ARHGEF3: variants seen among roughly 807,000 people sequenced by gnomAD.
ARHGEF3 encodes Rho guanine nucleotide exchange factor 3, also known as 59.8 kDA protein.
In ARHGEF3, 28 loss-of-function variants were observed where a neutral mutation model predicts 63.2. The ratio of observed to expected loss-of-function variants is 0.44; its 90% CI spans 0.33 to 0.61. The LOEUF (loss-of-function observed/expected upper bound fraction) is 0.61. Ranked by LOEUF, ARHGEF3 falls within the 20% of genes least tolerant of loss-of-function variation. ARHGEF3 has a pLI of 0.03. For missense variants in ARHGEF3, 533 were observed against 659.3 expected, an observed-to-expected ratio of 0.81 and a Z score of 2.10; for synonymous variants, 266 against 254.2, an observed-to-expected ratio of 1.05 and a Z score of -0.44.
At chr3:57,003,187 C>T (rs916910950) in intron 2 of ARHGEF3, among the ~76,000 whole-genome samples, 1 of 150,806 alleles carries the variant, frequency 6.6e-6, no homozygotes, top group Non-Finnish European at 1.5e-5. Context: ...GGGCGGATCA[C>T]GAGGTCAAGA....
chr3:56,790,777 C>T (rs914241036), intron 1 of ARHGEF3, among the ~76,000 whole-genome samples: 1 of 152,202 alleles, frequency 6.6e-6, no homozygotes, highest in African/African-American at 2.4e-5. Context: ...CATTTTGCCC[C>T]CCTCGGCCAT....
At chr3:57,005,674 G>C (rs1284333657) in intron 2 of ARHGEF3, among the ~76,000 whole-genome samples, 1 of 152,188 alleles carries the variant, frequency 6.6e-6, no homozygotes, top group African/African-American at 2.4e-5. Context: ...GGCGCTGAGG[G>C]TCAGGACCTG....
At chr3:57,064,819 G>C (rs1437016728) in intron 1 of ARHGEF3, among the ~76,000 whole-genome samples, 2 of 152,218 alleles carry the variant, frequency 1.3e-5, no homozygotes, top group East Asian at 3.8e-4. Flanking sequence ...AATGGATACA[G>C]TGTTTCAGTG....
chr3:56,822,585 G>T (rs2038550312), intron 4 of ARHGEF3, among the ~76,000 whole-genome samples: 1 of 152,238 alleles, frequency 6.6e-6, no homozygotes, highest in East Asian at 1.9e-4. Context: ...TTGTGGCCGG[G>T]TGCAGTGATT....
chr3:57,000,920 T>C (rs1702168486), intron 2 of ARHGEF3, among the ~76,000 whole-genome samples: 1 of 152,130 alleles, frequency 6.6e-6, no homozygotes, highest in Non-Finnish European at 1.5e-5. Context: ...ATTATACCTA[T>C]ATAACCTTCT....
At chr3:56,821,841 G>A (rs2038506037) in intron 4 of ARHGEF3, among the ~76,000 whole-genome samples, 1 of 152,068 alleles carries the variant, frequency 6.6e-6, no homozygotes, top group Non-Finnish European at 1.5e-5. Flanking sequence ...GGGCAAGCCT[G>A]TAGTACTAGG....
chr3:56,774,727 A>G (rs1347777148), intron 1 of ARHGEF3, among the ~76,000 whole-genome samples: 1 of 152,008 alleles, frequency 6.6e-6, no homozygotes, highest in East Asian at 1.9e-4. Flanking sequence ...TGGTGAAACT[A>G]CATCTCTACT....
intron 4 of ARHGEF3, among the ~76,000 whole-genome samples, chr3:56,853,351 T>G (rs541036061): frequency 2.0e-5 from 3 of 152,316 alleles, no homozygotes; most frequent in South Asian, 4.1e-4. Flanking sequence ...TTATTATTAT[T>G]TTGAGATGGA....
chr3:57,065,353 A>C (rs1359264147), intron 1 of ARHGEF3, among the ~76,000 whole-genome samples: 1 of 152,090 alleles, frequency 6.6e-6, no homozygotes, highest in Non-Finnish European at 1.5e-5. Flanking sequence ...CCCAGCTACT[A>C]AGGAGGATGA....
At chr3:56,812,038 C>A (rs952588591) in intron 4 of ARHGEF3, among the ~76,000 whole-genome samples, 1 of 152,184 alleles carries the variant, frequency 6.6e-6, no homozygotes, top group African/African-American at 2.4e-5. Flanking sequence ...TTGCTCATCA[C>A]AGTAGCCCCA....
intron 2 of ARHGEF3, among the ~76,000 whole-genome samples, chr3:56,989,747 T>C (rs756545594): frequency 6.6e-6 from 1 of 152,188 alleles, no homozygotes; most frequent in Non-Finnish European, 1.5e-5. Flanking sequence ...CAACCCTGAC[T>C]TCATCAGTGA....
chr3:56,851,551 C>G (rs888998368), intron 4 of ARHGEF3, among the ~76,000 whole-genome samples: 1 of 151,290 alleles, frequency 6.6e-6, no homozygotes, highest in Non-Finnish European at 1.5e-5. Context: ...CCATGCCCAG[C>G]TAATTTTTGT....
At chr3:56,929,051 T>G (rs1578866599) in intron 3 of ARHGEF3, among the ~76,000 whole-genome samples, 1 of 152,048 alleles carries the variant, frequency 6.6e-6, no homozygotes, top group East Asian at 1.9e-4. Flanking sequence ...GTGCACACTG[T>G]GAGAAAAGGG....
rs1701992683 is a variant in ARHGEF3, at chr3:56,996,529, TGAG to T, written c.63-37643_63-37641del. Reference sequence around the variant, plus strand: ...GAGAGCTTCTTTCCTTTCCATCTCATGAGGACACAGTGAGAAGGCACCATCTAT... The same window carrying T: ...GAGAGCTTCTTTCCTTTCCATCTCATGACACAGTGAGAAGGCACCATCTAT... On this transcript the variant is annotated intron_variant, in intron 2 of 12. Coordinates refer to the ARHGEF3 transcript ENST00000338458. Among the ~76,000 whole-genome samples, 6 of 152,222 alleles carry T rather than the reference TGAG, an allele frequency of 3.9e-5. No homozygotes were observed. In the South Asian group the frequency reaches 1.0e-3, roughly 26 times the overall value.
intron 3 of ARHGEF3, chr3:56,940,761 C>G (rs576425575): frequency 6.6e-6 from 1 of 152,078 alleles, no homozygotes; most frequent in Non-Finnish European, 1.5e-5. Context: ...ATAAAGGAAC[C>G]CTAGTTATAT....
intron 3 of ARHGEF3, among the ~76,000 whole-genome samples, chr3:56,904,320 T>C (rs2041619027): frequency 6.6e-6 from 1 of 152,160 alleles, no homozygotes; most frequent in African/African-American, 2.4e-5. Context: ...CATAAGCCAC[T>C]GCACCCAGCC....
At chr3:56,924,457 G>A (rs1290225610) in intron 3 of ARHGEF3, among the ~76,000 whole-genome samples, 6 of 152,172 alleles carry the variant, frequency 3.9e-5, no homozygotes, top group African/African-American at 1.4e-4. Context: ...ATGCAAGAAA[G>A]AATTCAGGGC....
chr3:57,051,691 C>T lies in ARHGEF3; in HGVS notation c.-27-16515G>A, dbSNP rs374014798. Among the ~76,000 whole-genome samples, 9 of 151,994 alleles carry T rather than the reference C, an allele frequency of 5.9e-5. No homozygotes were observed. In the East Asian group the frequency reaches 9.8e-4, roughly 16 times the overall value. On this transcript the variant is annotated intron_variant, in intron 1 of 12. Coordinates refer to the ARHGEF3 transcript ENST00000338458. ...TTTTTCTAGCACACCAGGCCAGGCA[C>T]GGTGGCTCACGCCTGTAATCTCGGC...
chr3:56,859,555 G>T (rs1481523339), intron 4 of ARHGEF3, among the ~76,000 whole-genome samples: 1 of 149,012 alleles, frequency 6.7e-6, no homozygotes, highest in Admixed American at 6.7e-5. Context: ...TTTGAGACAG[G>T]GTCTCACTCT....
Sources: allele counts gnomAD v4.1 joint callset (sites outside exome capture counted in the v4.1 genomes callset), GRCh38; gene constraint gnomAD v4.1.1; transcripts MANE v1.5; gene names NCBI Gene and HGNC (gene_info 2026-07-23, HGNC 2026-07-21).